Variants in IL36B observed in about 807,000 individuals in gnomAD.
The protein encoded by IL36B is interleukin-36 beta.
IL36B carries 23 observed loss-of-function variants against 19.3 expected under a neutral mutation model. The observed-to-expected ratio is 1.19, with a 90% CI of 0.86 to 1.69. IL36B has a LOEUF of 1.69. Among genes scored for constraint, IL36B ranks in the 40% most tolerant of loss-of-function variants. The pLI is 0.00. For synonymous variants in IL36B, 59 were observed against 59.7 expected (o/e 0.99, Z 0.05); for missense variants, 217 against 200.5 (o/e 1.08, Z -0.50).
chr2:113,027,586 T>C (rs1684987358), intron 4 of IL36B: 6 of 1,139,512 alleles, frequency 5.3e-6, no homozygotes, highest in African/African-American at 1.6e-5. Context: ...GCAAAAGGAA[T>C]AGGAATGGAA....
intron 1 of IL36B, among the ~76,000 whole-genome samples, chr2:113,035,375 T>C (rs1416096498): frequency 1.3e-5 from 2 of 152,202 alleles, no homozygotes; most frequent in Admixed American, 6.5e-5. Context: ...CCCCTCCCTC[T>C]GCAAACCCAA....
At chr2:113,051,983 C>G (rs1319807766) in intron 1 of IL36B, among the ~76,000 whole-genome samples, 1 of 150,020 alleles carries the variant, frequency 6.7e-6, no homozygotes, top group African/African-American at 2.5e-5. Context: ...GAGTCTTGCT[C>G]TGTTGCCCAG....
intron 1 of IL36B, among the ~76,000 whole-genome samples, chr2:113,049,499 A>G (rs1046260511): frequency 6.6e-6 from 1 of 152,272 alleles, no homozygotes; most frequent in Admixed American, 6.5e-5. Context: ...ACATTTCTCC[A>G]AATAATATAT....
chr2:113,027,400 G>A, intron 4 of IL36B, 33 bp downstream of exon 5: 1 of 908,336 alleles, frequency 1.1e-6, no homozygotes, highest in Non-Finnish European at 1.3e-6. Context: ...TACACTGTGT[G>A]TCAAATTATT....
intron 5 of IL36B, among the ~76,000 whole-genome samples, chr2:113,023,349 C>T (rs980487631): frequency 6.6e-6 from 1 of 152,230 alleles, no homozygotes; most frequent in African/African-American, 2.4e-5. Context: ...GTTCAAACTA[C>T]ATGGTGAGTT....
chr2:113,030,475 G>C (rs952514133), intron 3 of IL36B, among the ~76,000 whole-genome samples: 1 of 152,138 alleles, frequency 6.6e-6, no homozygotes, highest in South Asian at 2.1e-4. Context: ...GTTAGTAGGA[G>C]GAAAATGTGG....
rs1001306253 is a variant in IL36B, at chr2:113,043,623, C to T, written c.-58+9194G>A. Reference sequence around the variant, plus strand: ...GTCGCCCAGGCTGGAGTGCATGGCACGATCTCAGCTCTCTGCAACCTCCGC... The same window carrying T: ...GTCGCCCAGGCTGGAGTGCATGGCATGATCTCAGCTCTCTGCAACCTCCGC... On this transcript the variant is annotated intron_variant, in intron 1 of 5. Coordinates refer to ENST00000259213, the MANE Select transcript of IL36B (RefSeq NM_014438.5). 1.2e-4 allele frequency among the ~76,000 whole-genome samples: 18 copies of T among 151,968 alleles called. 1 individual carries two copies. The highest frequency in any genetic ancestry group is 2.9e-4 in the African/African-American group (12 of 41,394).
chr2:113,030,083 T>A (rs1355961027), intron 3 of IL36B, among the ~76,000 whole-genome samples: 1 of 151,832 alleles, frequency 6.6e-6, no homozygotes. Context: ...ATACAAAAAT[T>A]AGCTAGGCAC....
intron 3 of IL36B, 120 bp from the exon 4 acceptor site, chr2:113,029,198 C>T: frequency 4.2e-6 from 4 of 945,150 alleles, no homozygotes; most frequent in Non-Finnish European, 6.3e-6. Context: ...CAGAGACCCT[C>T]CATCACCCTC....
In IL36B at chr2:113,022,668, T is replaced by C; in HGVS notation, c.*6A>G. The C allele has an allele frequency of 6.4e-7, 1 of 1,553,898 alleles. No homozygotes were observed. The highest frequency in any genetic ancestry group is 8.9e-7 in the Non-Finnish European group (1 of 1,125,078). On this transcript the variant is annotated 3_prime_UTR_variant, in exon 6 of 6. Coordinates refer to ENST00000259213, the MANE Select transcript of IL36B (RefSeq NM_014438.5). ...TGTAGAGATGGGAATCTTCCTCCCC[T>C]TATTTCTACATCCTTCCTGGCATTC...
chr2:113,028,865 T>C (rs1187594147), intron 4 of IL36B, 74 bp downstream of exon 4: 1 of 1,473,562 alleles, frequency 6.8e-7, no homozygotes, highest in African/African-American at 1.4e-5. Context: ...ATATTATTTT[T>C]ATTCAGTAAC....
intron 4 of IL36B, among the ~76,000 whole-genome samples, chr2:113,026,488 C>G (rs1009840234): frequency 1.3e-5 from 2 of 152,144 alleles, no homozygotes; most frequent in Non-Finnish European, 1.5e-5. Context: ...ACCCAATATG[C>G]CTGCTTGTCA....
intron 4 of IL36B, chr2:113,026,272 C>A (rs1187846611): frequency 6.2e-7 from 1 of 1,611,320 alleles, no homozygotes; most frequent in Non-Finnish European, 8.5e-7. Flanking sequence ...AGATAATACA[C>A]TGCCAGGTTA....
rs776226647 is a variant in IL36B at position 113,026,196 on chromosome 2, A to G, written c.298T>C (p.Cys100Arg). The change falls in exon 5 of 6, where the codon TGC becomes CGC. Residue 100 changes from cysteine to arginine, a missense_variant. Transcript: ENST00000259213. ...GTGTGAATTCCAACTAGTTTCCAGC[A>G]AGTGTCCTTCCCTATGTTATCTTGG... 1.6e-5 allele frequency: 26 copies of G among 1,613,790 alleles called. No homozygotes were observed. The highest frequency in any genetic ancestry group is 1.7e-6 in the Non-Finnish European group (2 of 1,179,830).
At chr2:113,039,222 A>C (rs1462451693) in intron 1 of IL36B, among the ~76,000 whole-genome samples, 1 of 152,164 alleles carries the variant, frequency 6.6e-6, no homozygotes, top group Non-Finnish European at 1.5e-5. Flanking sequence ...AGAGCACTGG[A>C]ACCTGCTCTT....
rs1036338951 is a variant in IL36B, at chr2:113,031,872, C to T, written c.-57-106G>A. ...TAAAAATTCTTTAGAGAGAGCTGCC[C>T]TGAGAGCCTCTCCTAGATGCATATT... On this transcript the variant is annotated intron_variant, in intron 1 of 5. Coordinates refer to ENST00000259213, the MANE Select transcript of IL36B (RefSeq NM_014438.5). 8 of 615,512 alleles carry T rather than the reference C, an allele frequency of 1.3e-5. No homozygotes were observed. The South Asian group carries it at 1.6e-4, about 12-fold the overall frequency. The allele number at this position is 615,512 out of a possible 1,614,324, so 38.1% of individuals were successfully genotyped here. A position where few individuals can be genotyped will look rare whatever the true frequency, so the allele number is the denominator to read the frequency against.
In IL36B at chr2:113,022,115, ACC is replaced by A. The variant is rs1684871630; in HGVS notation, c.*557_*558del. ...TACATGGGAAAAACTAGTTTATTTT[ACC>A]AGTGTAAGATTATAGAATTTTTAAG... is the stretch of plus-strand genomic sequence containing the variant. On this transcript the variant is annotated 3_prime_UTR_variant, in exon 6 of 6. Coordinates refer to ENST00000259213, the MANE Select transcript of IL36B (RefSeq NM_014438.5). The A allele has an allele frequency of 1.3e-5, 2 of 152,248 alleles. No homozygotes were observed. Among genetic ancestry groups the A allele is most frequent in the African/African-American group, 4.8e-5 (2 of 41,468 alleles). The allele number at this position is 152,248 out of a possible 1,614,324, so 9.4% of individuals were successfully genotyped here. A position where few individuals can be genotyped will look rare whatever the true frequency, so the allele number is the denominator to read the frequency against.
chr2:113,026,102 C>A lies in IL36B; in HGVS notation c.391+1G>T. 1 of 1,613,454 alleles carries A rather than the reference C, an allele frequency of 6.2e-7. No individual in the cohort carries two copies. The highest frequency in any genetic ancestry group is 1.1e-5 in the South Asian group (1 of 91,036). On this transcript the variant is annotated splice_donor_variant, in intron 5 of 5. Coordinates refer to ENST00000259213, the MANE Select transcript of IL36B (RefSeq NM_014438.5). LOFTEE classifies it high-confidence loss of function. ...GATGGATAAGAGAATTTGCTCCTCA[C>A]CCACTCCTATTCCCCATTGGTCAAG... is the stretch of plus-strand genomic sequence containing the variant.
At chr2:113,037,721 T>C (rs1314962888) in intron 1 of IL36B, among the ~76,000 whole-genome samples, 2 of 152,194 alleles carry the variant, frequency 1.3e-5, no homozygotes, top group South Asian at 2.1e-4. Flanking sequence ...ATATGAATGA[T>C]AGAGGAGTTT....
Sources: gnomAD v4.1 joint callset for allele counts (sites outside exome capture counted in the v4.1 genomes callset) on GRCh38, gnomAD v4.1.1 for gene constraint, MANE v1.5 for transcripts, NCBI Gene and HGNC (gene_info 2026-07-23, HGNC 2026-07-21) for gene names.